The following USP34 variants were observed in gnomAD, a reference collection of about 807,000 sequenced individuals.
The protein encoded by USP34 is ubiquitin carboxyl-terminal hydrolase 34.
Under a neutral mutation model 460.3 loss-of-function variants are expected in USP34, and 70 were observed. That is an observed-to-expected ratio of 0.15 (90% confidence interval 0.13 to 0.19). USP34 has a LOEUF of 0.19. Among genes scored for constraint, USP34 ranks in the 10% least tolerant of loss-of-function variants. The probability of loss-of-function intolerance (pLI) is 1.00; values close to 1 mark genes in which losing one functional copy is unlikely to be tolerated. For missense variants in USP34, 3,985 were observed against 4,236.2 expected, an observed-to-expected ratio of 0.94 and a Z score of 1.65; for synonymous variants, 1,647 against 1,405.3, an observed-to-expected ratio of 1.17 and a Z score of -3.85.
chr2:61,367,435 A>G (rs2103828748), intron 10 of USP34, among the ~76,000 whole-genome samples: 1 of 152,252 alleles, frequency 6.6e-6, no homozygotes, highest in East Asian at 1.9e-4. Flanking sequence ...AGCTAATTAC[A>G]CCACTGCGCT....
intron 1 of USP34, among the ~76,000 whole-genome samples, chr2:61,434,244 T>A (rs959014613): frequency 1.2e-4 from 19 of 152,126 alleles, no homozygotes; most frequent in African/African-American, 4.3e-4. Flanking sequence ...TCAGAAACAT[T>A]ACCACAGGTC....
At chr2:61,412,968 G>A (rs1044905067) in intron 2 of USP34, among the ~76,000 whole-genome samples, 11 of 151,008 alleles carry the variant, frequency 7.3e-5, no homozygotes, top group Admixed American at 1.3e-4. Context: ...GTTCCAAGAA[G>A]TGAGAGCAAT....
At position 61,307,804 on chromosome 2, in the gene USP34, T is replaced by C. The variant is rs1037657983; in HGVS notation, c.3817+3736A>G. Among the ~76,000 whole-genome samples the C allele has an allele frequency of 4.6e-5, 7 of 151,486 alleles. 1 individual carries two copies. The highest frequency in any genetic ancestry group is 2.6e-4 in the Admixed American group (4 of 15,252). On this transcript the variant is annotated intron_variant, in intron 27 of 79. Transcript: ENST00000398571. ...GGGTCACCCCTGTAATCCAAGGACT[T>C]TGGACGGCCAAGGGGGGAGGATAGC...
At chr2:61,318,730 A>G (rs1690826865) in intron 22 of USP34, among the ~76,000 whole-genome samples, 1 of 152,170 alleles carries the variant, frequency 6.6e-6, no homozygotes, top group South Asian at 2.1e-4. Context: ...CCCACAATCT[A>G]CACATCTGGA....
At chr2:61,209,630 T>C (rs1397189152) in intron 69 of USP34, among the ~76,000 whole-genome samples, 1 of 152,258 alleles carries the variant, frequency 6.6e-6, no homozygotes, top group Admixed American at 6.5e-5. Context: ...TTATGTACAG[T>C]ACCTAATACT....
chr2:61,249,409 AG>A (rs1468319215), intron 48 of USP34, among the ~76,000 whole-genome samples: 1 of 152,270 alleles, frequency 6.6e-6, no homozygotes, highest in Non-Finnish European at 1.5e-5. Flanking sequence ...GGACTGTGCC[AG>A]ATTTTATCAT....
chr2:61,236,537 G>A (rs1688073212), intron 53 of USP34, 148 bp from the exon 54 acceptor site: 1 of 609,012 alleles, frequency 1.6e-6, no homozygotes, highest in Non-Finnish European at 2.8e-6. Context: ...TTTTTCCCAA[G>A]TATATTCATA....
chr2:61,321,058 C>A (rs1690904197), intron 21 of USP34, among the ~76,000 whole-genome samples: 2 of 151,560 alleles, frequency 1.3e-5, no homozygotes, highest in South Asian at 4.2e-4. Context: ...CACCTTTAGT[C>A]CTAGCTACTT....
At chr2:61,426,755 G>A (rs1283683196) in intron 1 of USP34, among the ~76,000 whole-genome samples, 2 of 152,146 alleles carry the variant, frequency 1.3e-5, no homozygotes, top group African/African-American at 4.8e-5. Context: ...CCTTGGGTGA[G>A]ACCCAGCATA....
intron 62 of USP34, among the ~76,000 whole-genome samples, chr2:61,223,867 A>T (rs1187420103): frequency 6.6e-6 from 1 of 152,170 alleles, no homozygotes; most frequent in East Asian, 1.9e-4. Context: ...AGCTATATTA[A>T]AAAACAGAAT....
intron 25 of USP34, among the ~76,000 whole-genome samples, chr2:61,313,657 C>T (rs1690661495): frequency 1.3e-5 from 2 of 152,032 alleles, no homozygotes; most frequent in African/African-American, 4.8e-5. Flanking sequence ...TAAGAAGTTT[C>T]TGTGTAAAAA....
rs368929947 is a variant in USP34 at position 61,321,548 on chromosome 2, A to G, written c.3014-2221T>C. Reference sequence around the variant, plus strand: ...ATTTGTAAAATTTAAAATCACATTCATACAACATTTTGGCCCTAAATGAAT... The same window carrying G: ...ATTTGTAAAATTTAAAATCACATTCGTACAACATTTTGGCCCTAAATGAAT... On this transcript the variant is annotated intron_variant, in intron 21 of 79. Transcript: ENST00000398571. Among the ~76,000 whole-genome samples the G allele has an allele frequency of 5.1e-4, 77 of 152,382 alleles. 1 individual carries two copies. In the East Asian group the frequency reaches 0.012, roughly 24 times the overall value.
chr2:61,402,424 G>T (rs1253074395), intron 3 of USP34, among the ~76,000 whole-genome samples: 1 of 152,166 alleles, frequency 6.6e-6, no homozygotes, highest in East Asian at 1.9e-4. Flanking sequence ...AGAAGGAGTG[G>T]CTCCAAGTTC....
chr2:61,462,682 G>A (rs549823777), intron 1 of USP34, among the ~76,000 whole-genome samples: 17 of 151,864 alleles, frequency 1.1e-4, no homozygotes, highest in African/African-American at 2.7e-4. Context: ...CCAACATGGC[G>A]AAACCCCATC....
intron 10 of USP34, among the ~76,000 whole-genome samples, chr2:61,363,736 G>A (rs1249058599): frequency 2.0e-5 from 3 of 152,076 alleles, no homozygotes; most frequent in African/African-American, 7.2e-5. Flanking sequence ...AGCAGGAAAT[G>A]GAACAGATAT....
chr2:61,427,833 G>A (rs147532835), intron 1 of USP34, among the ~76,000 whole-genome samples: 680 of 152,184 alleles, frequency 4.5e-3, no homozygotes, highest in Non-Finnish European at 5.0e-3. Flanking sequence ...GCATGCCTAC[G>A]GGATCTAGAA....
intron 43 of USP34, among the ~76,000 whole-genome samples, chr2:61,261,858 A>C (rs1688889036): frequency 6.6e-6 from 1 of 151,918 alleles, no homozygotes. Context: ...TAATCCCAGC[A>C]CTTTGGGAGG....
At position 61,265,554 on chromosome 2, in the gene USP34, T is replaced by A. The variant is rs1460898146; in HGVS notation, c.5621A>T (p.His1874Leu). 6.3e-7 allele frequency: 1 copy of A among 1,589,978 alleles called. No individual in the cohort carries two copies. The highest frequency in any genetic ancestry group is 8.6e-7 in the Non-Finnish European group (1 of 1,165,116). Residue 1874 changes from histidine to leucine, a missense_variant, in exon 43 of 80, where the codon CAT becomes CTT. By Grantham distance (99) the His-to-Leu change is moderately conservative. Coordinates refer to ENST00000398571, the MANE Select transcript of USP34 (RefSeq NM_014709.4). The stretch of plus-strand genomic sequence containing the variant: ...CCAGTAATCCCATTTATAAGGTGCA[T>A]GGGCTGCTGAAGAAAGAGGGAGGAA... ...NWVMAQHMQS[H>L]APYKWDYWPH...
At chr2:61,194,278 C>A in intron 75 of USP34, 2 of 985,438 alleles carry the variant, frequency 2.0e-6, no homozygotes, top group Non-Finnish European at 2.4e-6. Flanking sequence ...CTAACCTAAT[C>A]TGGTTGGTGT....
Sources: allele counts gnomAD v4.1 joint callset (sites outside exome capture counted in the v4.1 genomes callset), GRCh38; gene constraint gnomAD v4.1.1; transcripts MANE v1.5; gene names NCBI Gene and HGNC (gene_info 2026-07-23, HGNC 2026-07-21).